The following IL36A variants were observed in gnomAD, a reference collection of about 807,000 sequenced individuals.
IL36A encodes interleukin 36 alpha.
A neutral mutation model predicts 12.7 loss-of-function variants in IL36A; 13 were observed. The ratio of observed to expected loss-of-function variants is 1.02; its 90% CI spans 0.67 to 1.63. The LOEUF is 1.63. Ranked by LOEUF, IL36A falls within the 40% of genes most tolerant of loss-of-function variation. The pLI is 0.00. For synonymous variants in IL36A, 73 were observed against 71.9 expected (o/e 1.01, Z -0.08); for missense variants, 195 against 192.9 (o/e 1.01, Z -0.07).
rs1684599524 is a variant in IL36A, at chr2:113,005,714, G to A, written c.-158G>A. The A allele has an allele frequency of 2.6e-6, 2 of 766,060 alleles. No homozygotes were observed. Among genetic ancestry groups the A allele is most frequent in the East Asian group, 2.5e-5 (1 of 39,528 alleles). The allele number at this position is 766,060 out of a possible 1,614,324, so 47.5% of individuals were successfully genotyped here. ...TAAGGGTGCTGGGTGAGTTCTGGGA[G>A]TATAGATTCTGACTGGGGTCACTGC... On this transcript the variant is annotated 5_prime_UTR_variant, in exon 1 of 4. Coordinates refer to ENST00000259211, the MANE Select transcript of IL36A (RefSeq NM_014440.3).
intron 2 of IL36A, 121 bp downstream of exon 2, chr2:113,006,208 A>C (rs1047390586): frequency 4.2e-6 from 3 of 710,416 alleles, no homozygotes; most frequent in Non-Finnish European, 7.6e-6. Context: ...GGAGCATCTC[A>C]CAGACAATAA....
rs28947175 is a variant in IL36A at position 113,007,967 on chromosome 2, G to A, written c.400G>A (p.Gly134Arg). The change falls in exon 4 of 4, where the codon GGA becomes AGA. Residue 134 changes from glycine to arginine, a missense_variant. Gly to Arg is a moderately radical substitution (Grantham distance 125, BLOSUM62 -2). Coordinates refer to ENST00000259211, the MANE Select transcript of IL36A (RefSeq NM_014440.3). Reference sequence around the variant, plus strand: ...CTGGTTCATCGCTGTCAGCTCTGAAGGAGGCTGTCCTCTCATCCTTACCCA... The same window carrying A: ...CTGGTTCATCGCTGTCAGCTCTGAAAGAGGCTGTCCTCTCATCCTTACCCA... Reference protein sequence around the residue: ...PGWFIAVSSEGGCPLILTQEL... With the variant: ...PGWFIAVSSERGCPLILTQEL... 1.7e-3 allele frequency: 2,801 copies of A among 1,614,176 alleles called. 48 individuals carry two copies. In the African/African-American group the frequency reaches 0.032, roughly 18 times the overall value.
downstream of IL36A, among the ~76,000 whole-genome samples, chr2:113,009,066 C>A: frequency 6.9e-6 from 1 of 144,264 alleles, no homozygotes; most frequent in East Asian, 2.1e-4. Flanking sequence ...TGAGAAGATG[C>A]GGTGTTTGGT....
At chr2:113,009,552 G>A (rs1684696914), downstream of IL36A, among the ~76,000 whole-genome samples, 1 of 152,116 alleles carries the variant, frequency 6.6e-6, no homozygotes, top group Non-Finnish European at 1.5e-5. Context: ...GGCTTTAGTG[G>A]AATATTGTGG....
intron 3 of IL36A, among the ~76,000 whole-genome samples, chr2:113,007,263 G>T (rs960884918): frequency 6.6e-6 from 1 of 152,178 alleles, no homozygotes; most frequent in African/African-American, 2.4e-5. Flanking sequence ...GTGTTTTTCA[G>T]CCAGGGGTGA....
chr2:113,008,321 C>T (rs1033916346), downstream of IL36A, among the ~76,000 whole-genome samples: 10 of 149,914 alleles, frequency 6.7e-5, no homozygotes, highest in African/African-American at 2.2e-4. Context: ...AACATAATTG[C>T]TAATAATGCT....
At position 113,007,826 on chromosome 2, in the gene IL36A, C is replaced by A. The variant is rs368238741; in HGVS notation, c.265-6C>A. 2 of 1,611,168 alleles carry A rather than the reference C, an allele frequency of 1.2e-6. No individual in the cohort carries two copies. The highest frequency in any genetic ancestry group is 4.5e-5 in the East Asian group (2 of 44,878). ...TTCTTGCTGGTGTCTCCTTCGCACC[C>A]TTCAGGAAAAGGATATAATGGATTT... On this transcript the variant is annotated splice_region_variant and splice_polypyrimidine_tract_variant and intron_variant, in intron 3 of 3. Transcript: ENST00000259211.
At chr2:113,008,117 G>A, downstream of IL36A, 1 of 1,283,150 alleles carries the variant, frequency 7.8e-7, no homozygotes, top group Non-Finnish European at 1.1e-6. Flanking sequence ...AATGGGCAGG[G>A]AGAATTTGTT....
In IL36A at chr2:113,006,097, C is replaced by T. The variant is rs1285196850; in HGVS notation, c.124+10C>T. On this transcript the variant is annotated intron_variant, in intron 2 of 3. Coordinates refer to ENST00000259211, the MANE Select transcript of IL36A (RefSeq NM_014440.3). ...GACCGTATGTCTCCAGGTGAGTAGC[C>T]ACGGTCTGTGAAAGGCAGCTCCTTT... is the stretch of plus-strand genomic sequence containing the variant. The T allele has an allele frequency of 1.9e-6, 3 of 1,567,410 alleles. No individual in the cohort carries two copies. The highest frequency in any genetic ancestry group is 2.2e-5 in the South Asian group (2 of 90,048).
intron 3 of IL36A, among the ~76,000 whole-genome samples, chr2:113,007,228 C>G (rs1307376580): frequency 3.3e-5 from 5 of 152,182 alleles, no homozygotes; most frequent in Admixed American, 3.3e-4. Flanking sequence ...AGCAGACACT[C>G]AACTTGATGA....
At position 113,005,896 on chromosome 2, in the gene IL36A, G is replaced by A. The variant is rs915454213; in HGVS notation, c.10+15G>A. 1 of 1,613,998 alleles carries A rather than the reference G, an allele frequency of 6.2e-7. No homozygotes were observed. Among genetic ancestry groups the A allele is most frequent in the East Asian group, 2.2e-5 (1 of 44,874 alleles). ...AATGGAAAAAGGTAAAGATCCTCGT[G>A]GAAGGGCGAAAAATTGACAAGGGGG... On this transcript the variant is annotated intron_variant, in intron 1 of 3. Transcript: ENST00000259211.
downstream of IL36A, chr2:113,008,645 A>T (rs1303661799): frequency 6.1e-6 from 1 of 163,358 alleles, no homozygotes; most frequent in Non-Finnish European, 1.4e-5. Flanking sequence ...GAGTATCAAG[A>T]CCTTTTGGAT....
downstream of IL36A, among the ~76,000 whole-genome samples, chr2:113,008,203 C>T (rs2305151): frequency 0.22 from 33,073 of 152,150 alleles, 4,142 homozygotes; most frequent in East Asian, 0.56. Context: ...GGACTGGTCC[C>T]TCTCCCTGGG....
chr2:113,008,552 G>T, downstream of IL36A: 1 of 275,172 alleles, frequency 3.6e-6, no homozygotes, highest in Admixed American at 4.6e-5. Flanking sequence ...TAGTAGAGAC[G>T]GGGTTTCACC....
At chr2:113,006,952 T>A (rs920297675) in intron 3 of IL36A, among the ~76,000 whole-genome samples, 1 of 152,200 alleles carries the variant, frequency 6.6e-6, no homozygotes, top group Non-Finnish European at 1.5e-5. Context: ...TATTAATAAT[T>A]TGGCAAGGAT....
chr2:113,009,021 C>T (rs1167290845), downstream of IL36A, among the ~76,000 whole-genome samples: 4 of 131,076 alleles, frequency 3.1e-5, no homozygotes, highest in Admixed American at 8.8e-5. Context: ...CTTCCTGTGT[C>T]CATGTGTTCT....
At chr2:113,008,684 T>C (rs994247192), downstream of IL36A, 1 of 155,388 alleles carries the variant, frequency 6.4e-6, no homozygotes, top group African/African-American at 2.4e-5. Flanking sequence ...ATATAAATGT[T>C]CCATCAGAAA....
At chr2:113,006,936 C>CA (rs961653656) in intron 3 of IL36A, among the ~76,000 whole-genome samples, 199 bp downstream of exon 3, 2 of 152,092 alleles carry the variant, frequency 1.3e-5, no homozygotes, top group African/African-American at 4.8e-5. Flanking sequence ...TTTTAATTTA[C>CA]AAAAATATTA....
rs749638456 is a variant in IL36A at position 113,006,021 on chromosome 2, C to A, written c.58C>A (p.His20Asn). 2 of 1,614,000 alleles carry A rather than the reference C, an allele frequency of 1.2e-6. No individual in the cohort carries two copies. The highest frequency in any genetic ancestry group is 2.2e-5 in the East Asian group (1 of 44,892). The change falls in exon 2 of 4, where the codon CAT (histidine) becomes AAT (asparagine). Residue 20 changes from histidine (H) to asparagine (N), a missense_variant. Physicochemically the swap from His to Asn is moderately conservative, Grantham distance 68. Coordinates refer to ENST00000259211, the MANE Select transcript of IL36A (RefSeq NM_014440.3). ...PQQGSIQDIN[H>N]RVWVLQDQTL... Reference sequence around the variant, plus strand: ...GCAGGGGAGCATTCAGGATATCAATCATCGGGTGTGGGTTCTTCAGGACCA... The same window carrying A: ...GCAGGGGAGCATTCAGGATATCAATAATCGGGTGTGGGTTCTTCAGGACCA...
Sources: gnomAD v4.1 joint callset for allele counts (sites outside exome capture counted in the v4.1 genomes callset) on GRCh38, gnomAD v4.1.1 for gene constraint, MANE v1.5 for transcripts, NCBI Gene and HGNC (gene_info 2026-07-23, HGNC 2026-07-21) for gene names.